The following VGLL4 variants were observed in gnomAD, a reference collection of about 807,000 sequenced individuals.
VGLL4 encodes vestigial like family member 4.
A neutral mutation model predicts 21.0 loss-of-function variants in VGLL4; 7 were observed. The observed-to-expected ratio is 0.33, with a 90% CI of 0.19 to 0.63. VGLL4 has a LOEUF of 0.63. Ranked by LOEUF, VGLL4 falls within the 20% of genes least tolerant of loss-of-function variation. The pLI is 0.78. For synonymous variants in VGLL4, 222 were observed against 173.2 expected (o/e 1.28, Z -2.21); for missense variants, 394 against 425.7 (o/e 0.93, Z 0.66).
intron 2 of VGLL4, among the ~76,000 whole-genome samples, chr3:11,700,265 C>CT (rs1553745674): frequency 1.3e-5 from 2 of 152,192 alleles, no homozygotes; most frequent in Non-Finnish European, 2.9e-5. Flanking sequence ...CTTAAAGACA[C>CT]AAAAGGTTAC....
At chr3:11,631,599 T>A (rs1047375204) in intron 1 of VGLL4, among the ~76,000 whole-genome samples, 6 of 152,180 alleles carry the variant, frequency 3.9e-5, no homozygotes, top group African/African-American at 1.4e-4. Context: ...AACTGCACCG[T>A]AACTGCTATA....
chr3:11,619,011 C>T (rs2075215536), intron 1 of VGLL4, among the ~76,000 whole-genome samples: 1 of 152,196 alleles, frequency 6.6e-6, no homozygotes, highest in Non-Finnish European at 1.5e-5. Flanking sequence ...GGCCAATCAA[C>T]CATTGTGCTC....
intron 2 of VGLL4, among the ~76,000 whole-genome samples, chr3:11,573,312 GAAGGAAGAAAGAAAGAAAGAAAGAAAGA>G (rs2073907549): frequency 7.2e-3 from 71 of 9,834 alleles, no homozygotes; most frequent in South Asian, 0.047. Flanking sequence ...AGAAAGGAAG[GAAGGAAGAAAGAAAGAAAGAAAGAAAGA>G]AAGAAAGAAA....
In VGLL4 at chr3:11,558,626, C is replaced by G; in HGVS notation, c.821G>C (p.Arg274Pro). 1.2e-6 allele frequency: 2 copies of G among 1,608,758 alleles called. No homozygotes were observed. The highest frequency in any genetic ancestry group is 1.7e-6 in the Non-Finnish European group (2 of 1,179,974). The change falls in exon 5 of 5, where the codon CGC (arginine) becomes CCC (proline). Residue 274 changes from arginine (R) to proline (P), a missense_variant. Coordinates refer to ENST00000430365, the MANE Select transcript of VGLL4 (RefSeq NM_001128219.3). The stretch of plus-strand genomic sequence containing the variant: ...AGAGGGGCTGGCGGGCTGGCCCCTG[C>G]GAGAGGCGGACTCAGGGCTGCTGGA... ...GASSSPESAS[R>P]RGQPASPSAH... is the part of the protein sequence containing the mutation.
At chr3:11,582,921 G>T (rs2074270760) in intron 2 of VGLL4, among the ~76,000 whole-genome samples, 1 of 152,168 alleles carries the variant, frequency 6.6e-6, no homozygotes. Flanking sequence ...GACTCAGGCT[G>T]CCACAGATGG....
At chr3:11,567,183 C>T (rs949116287) in intron 2 of VGLL4, among the ~76,000 whole-genome samples, 7 of 152,112 alleles carry the variant, frequency 4.6e-5, no homozygotes, top group African/African-American at 1.2e-4. Context: ...CGAGCCTCGG[C>T]GTCCCCATGT....
At chr3:11,558,950 G>GT in intron 4 of VGLL4, 123 bp from the exon 5 acceptor site, 4 of 1,222,446 alleles carry the variant, frequency 3.3e-6, no homozygotes, top group Non-Finnish European at 4.5e-6. Context: ...CGTGGGCTCT[G>GT]CAGACAGAAC....
At position 11,566,392 on chromosome 3, in the gene VGLL4, A is replaced by G. The variant is rs550094718; in HGVS notation, c.273-1373T>C. On this transcript the variant is annotated intron_variant, in intron 2 of 4. Coordinates refer to ENST00000430365, the MANE Select transcript of VGLL4 (RefSeq NM_001128219.3). ...CAATATCACAACCAGGATATCGACA[A>G]TGAGACAACTACCAACCTTATTCAG... Among the ~76,000 whole-genome samples the G allele has an allele frequency of 1.8e-4, 28 of 152,354 alleles. No homozygotes were observed. The South Asian group carries it at 5.8e-3, about 32-fold the overall frequency.
At chr3:11,683,513 C>A (rs570738740) in intron 2 of VGLL4, among the ~76,000 whole-genome samples, 1 of 152,296 alleles carries the variant, frequency 6.6e-6, no homozygotes, top group South Asian at 2.1e-4. Context: ...TTCACAATTG[C>A]AAAGATACTG....
chr3:11,604,227 G>C (rs1164105951), intron 1 of VGLL4: 1 of 309,624 alleles, frequency 3.2e-6, no homozygotes, highest in East Asian at 1.8e-4. Context: ...TAGTACTTCA[G>C]CATCTCAGCT....
chr3:11,703,081 T>G lies in VGLL4; in HGVS notation c.-13-34A>C, dbSNP rs1387350810. The G allele has an allele frequency of 1.9e-6, 3 of 1,553,426 alleles. No individual in the cohort carries two copies. The Admixed American group carries it at 5.6e-5, about 29-fold the overall frequency. ...AAAAAATAAAAGGGGAAAAAATAATTTAAACAGAATTCAAAAGACTCTTAG... is the reference window on the plus strand; with the variant it reads ...AAAAAATAAAAGGGGAAAAAATAATGTAAACAGAATTCAAAAGACTCTTAG... On this transcript the variant is annotated intron_variant, in intron 1 of 5. Coordinates refer to the VGLL4 transcript ENST00000273038.
rs183029685 is a variant in VGLL4 at position 11,711,583 on chromosome 3, G to A, written c.-13-8536C>T. Among the ~76,000 whole-genome samples the A allele has an allele frequency of 3.5e-3, 534 of 152,126 alleles. 1 individual carries two copies. The highest frequency in any genetic ancestry group is 0.014 in the Middle Eastern group (4 of 292). ...AAAAAAAAAATTAGCCAGGTATGGT[G>A]GCGTATGCCTGTAGTCCCAGCTACT... On this transcript the variant is annotated intron_variant, in intron 1 of 5. Coordinates refer to the VGLL4 transcript ENST00000273038.
chr3:11,605,585 A>G (rs1215395159), intron 1 of VGLL4, among the ~76,000 whole-genome samples: 3 of 151,948 alleles, frequency 2.0e-5, no homozygotes, highest in Non-Finnish European at 4.4e-5. Flanking sequence ...TGCCTCCTCC[A>G]TCAGGCTGTC....
At position 11,563,062 on chromosome 3, in the gene VGLL4, C is replaced by T. The variant is rs572786317; in HGVS notation, c.495+1735G>A. The stretch of plus-strand genomic sequence containing the variant: ...AGCAACTGTGACCGAAAACCAACTG[C>T]AAGATTCTCAAGAGCCCTGAAGAGT... On this transcript the variant is annotated intron_variant, in intron 3 of 4. Coordinates refer to ENST00000430365, the MANE Select transcript of VGLL4 (RefSeq NM_001128219.3). Among the ~76,000 whole-genome samples the T allele has an allele frequency of 2.6e-5, 4 of 152,342 alleles. No homozygotes were observed. In the South Asian group the frequency reaches 8.3e-4, roughly 32 times the overall value.
rs1575407783 is a variant in VGLL4 at position 11,578,743 on chromosome 3, A to ATTTTT, written c.273-13725_273-13724insAAAAA. 1.0e-4 allele frequency among the ~76,000 whole-genome samples: 7 copies of ATTTTT among 67,060 alleles called. 1 individual carries two copies. The highest frequency in any genetic ancestry group is 4.6e-4 in the East Asian group (1 of 2,152). The allele number at this position is 67,060 out of a possible 152,430, so 44.0% of individuals were successfully genotyped here. A position where few individuals can be genotyped will look rare whatever the true frequency, so the allele number is the denominator to read the frequency against. ...AGAGATTTTGAGGCATCTACTGTAT[A>ATTTTT]TTTTCTTTTTTTTTTTTTTTTTTTG... On this transcript the variant is annotated intron_variant, in intron 2 of 4. Transcript: ENST00000430365.
intron 1 of VGLL4, 36 bp downstream of exon 1, chr3:11,643,401 G>C (rs201493030): frequency 6.2e-7 from 1 of 1,613,742 alleles, no homozygotes; most frequent in Non-Finnish European, 8.5e-7. Flanking sequence ...TGGCCGGGAC[G>C]AGCAACGGGC....
chr3:11,670,904 G>A (rs534371851), intron 2 of VGLL4, among the ~76,000 whole-genome samples: 95 of 152,122 alleles, frequency 6.2e-4, no homozygotes, highest in Non-Finnish European at 1.3e-3. Flanking sequence ...AGGTGTGGTG[G>A]CGCATGCCTG....
chr3:11,579,366 C>A (rs994744987), intron 2 of VGLL4, among the ~76,000 whole-genome samples: 3 of 152,094 alleles, frequency 2.0e-5, no homozygotes, highest in Non-Finnish European at 2.9e-5. Flanking sequence ...AGAGTTCCCA[C>A]GGGAAAAAAA....
chr3:11,639,219 G>C (rs2437687), intron 1 of VGLL4, among the ~76,000 whole-genome samples: 139,880 of 152,306 alleles, frequency 0.92, 64,314 homozygotes, highest in East Asian at 0.96. Context: ...CAGCGACAGC[G>C]ATCTTGAGGA....
Sources: gnomAD v4.1 joint callset for allele counts (sites outside exome capture counted in the v4.1 genomes callset) on GRCh38, gnomAD v4.1.1 for gene constraint, MANE v1.5 for transcripts, NCBI Gene and HGNC (gene_info 2026-07-23, HGNC 2026-07-21) for gene names.